GPD1L: variants seen among roughly 807,000 people sequenced by gnomAD.
GPD1L encodes the protein glycerol-3-phosphate dehydrogenase 1-like protein.
GPD1L carries 17 observed loss-of-function variants against 32.9 expected under a neutral mutation model. The observed-to-expected ratio is 0.52, with a 90% CI of 0.35 to 0.78. The LOEUF is 0.78. Ranked by LOEUF, GPD1L falls within the 30% of genes least tolerant of loss-of-function variation. The probability of loss-of-function intolerance (pLI) is 0.01; values close to 1 mark genes in which losing one functional copy is unlikely to be tolerated. For missense variants in GPD1L, 361 were observed against 447.8 expected, an observed-to-expected ratio of 0.81 and a Z score of 1.75; for synonymous variants, 187 against 165.9, an observed-to-expected ratio of 1.13 and a Z score of -0.98.
chr3:32,129,584 C>T lies in GPD1L; in HGVS notation c.225+1331C>T, dbSNP rs185120305. ...TCCAGGGTCACACAGCTGAGGGCTA[C>T]GGTTCAGATTGATTCCTGGTGGACG... On this transcript the variant is annotated intron_variant, in intron 2 of 7. Coordinates refer to ENST00000282541, the MANE Select transcript of GPD1L (RefSeq NM_015141.4). Among the ~76,000 whole-genome samples, 140 of 152,308 alleles carry T rather than the reference C, an allele frequency of 9.2e-4. No individual in the cohort carries two copies. The Middle Eastern group carries it at 0.01, about 11-fold the overall frequency.
intron 2 of GPD1L, among the ~76,000 whole-genome samples, chr3:32,134,510 A>G (rs1452503697): frequency 6.6e-6 from 1 of 152,170 alleles, no homozygotes; most frequent in Non-Finnish European, 1.5e-5. Flanking sequence ...TGCTTGTGAC[A>G]GGGCCTCACT....
At chr3:32,127,778 G>A (rs1700532623) in intron 1 of GPD1L, among the ~76,000 whole-genome samples, 1 of 152,134 alleles carries the variant, frequency 6.6e-6, no homozygotes, top group Non-Finnish European at 1.5e-5. Context: ...ATGCTTTGGG[G>A]TGGATTTCTC....
At chr3:32,152,519 G>A (rs1264933506) in intron 5 of GPD1L, among the ~76,000 whole-genome samples, 1 of 152,170 alleles carries the variant, frequency 6.6e-6, no homozygotes, top group African/African-American at 2.4e-5. Flanking sequence ...TGCTGCCGGA[G>A]GGGAGGAGCG....
chr3:32,135,116 C>T (rs754289682), intron 2 of GPD1L, among the ~76,000 whole-genome samples: 1 of 152,148 alleles, frequency 6.6e-6, no homozygotes, highest in South Asian at 2.1e-4. Flanking sequence ...GGTGTTTTTT[C>T]CACTTCACCA....
chr3:32,119,594 C>T (rs1559569762), intron 1 of GPD1L, among the ~76,000 whole-genome samples: 1 of 152,152 alleles, frequency 6.6e-6, no homozygotes, highest in East Asian at 1.9e-4. Context: ...TAAAATACTT[C>T]ATTTTTAACA....
rs547041406 is a variant in GPD1L, at chr3:32,110,034, C to T, written c.47+3276C>T. ...GCGGGTTCACGCCATTCTCCTGCCT[C>T]AGCCTCCCAGGTAGCTGGGACTACA... On this transcript the variant is annotated intron_variant, in intron 1 of 7. Coordinates refer to ENST00000282541, the MANE Select transcript of GPD1L (RefSeq NM_015141.4). Among the ~76,000 whole-genome samples, 510 of 152,394 alleles carry T rather than the reference C, an allele frequency of 3.3e-3. 1 individual carries two copies. The highest frequency in any genetic ancestry group is 0.014 in the Middle Eastern group (4 of 294).
chr3:32,143,499 A>G (rs1207559157), intron 4 of GPD1L, among the ~76,000 whole-genome samples: 1 of 151,106 alleles, frequency 6.6e-6, no homozygotes, highest in East Asian at 1.9e-4. Context: ...AGTCAGTGTC[A>G]TGAAAGACAA....
chr3:32,153,070 G>T (rs1402506593), intron 5 of GPD1L, among the ~76,000 whole-genome samples: 1 of 152,136 alleles, frequency 6.6e-6, no homozygotes, highest in South Asian at 2.1e-4. Context: ...GAATAGATTG[G>T]GGATAAAGCA....
intron 2 of GPD1L, among the ~76,000 whole-genome samples, chr3:32,134,965 G>A (rs756734764): frequency 5.3e-5 from 8 of 152,208 alleles, no homozygotes; most frequent in Non-Finnish European, 1.2e-4. Context: ...TAGCCAGATC[G>A]GAAAGGTAAT....
intron 5 of GPD1L, chr3:32,151,445 T>C (rs1326314511): frequency 1.0e-5 from 5 of 497,746 alleles, no homozygotes; most frequent in African/African-American, 6.1e-5. Context: ...TACAATATCA[T>C]CTTTTTTTAA....
intron 2 of GPD1L, among the ~76,000 whole-genome samples, chr3:32,135,448 GTTTGT>G (rs369079094): frequency 2.0e-5 from 3 of 150,350 alleles, no homozygotes; most frequent in African/African-American, 7.4e-5. Context: ...TTGTTTTTTT[GTTTGT>G]TTTGTTTTGT....
chr3:32,108,125 G>A (rs1244185512), intron 1 of GPD1L, among the ~76,000 whole-genome samples: 3 of 152,200 alleles, frequency 2.0e-5, no homozygotes, highest in Non-Finnish European at 2.9e-5. Flanking sequence ...AGGGCTGGGC[G>A]CAGTAGCTTA....
At chr3:32,140,145 TTG>T in intron 3 of GPD1L, 81 bp from the exon 4 acceptor site, 1 of 1,410,070 alleles carries the variant, frequency 7.1e-7, no homozygotes, top group Non-Finnish European at 1.0e-6. Flanking sequence ...ATTTTTCAAG[TTG>T]TGTAGCCATG....
In GPD1L at chr3:32,141,860, T is replaced by C. The variant is rs1700749118; in HGVS notation, c.505+1494T>C. 2.0e-5 allele frequency among the ~76,000 whole-genome samples: 3 copies of C among 152,190 alleles called. No individual in the cohort carries two copies. The South Asian group carries it at 6.2e-4, about 32-fold the overall frequency. ...AGGTTTGTTACATGGGTGTATTGCA[T>C]GATGCTGAGGTCTGGGTTATGACTA... On this transcript the variant is annotated intron_variant, in intron 4 of 7. Transcript: ENST00000282541.
At chr3:32,122,153 G>A (rs1700432635) in intron 1 of GPD1L, among the ~76,000 whole-genome samples, 1 of 152,178 alleles carries the variant, frequency 6.6e-6, no homozygotes, top group Admixed American at 6.5e-5. Flanking sequence ...ATGGGGACTT[G>A]TCTGCGTTCA....
chr3:32,124,492 G>A lies in GPD1L; in HGVS notation c.48-3584G>A, dbSNP rs76933725. Among the ~76,000 whole-genome samples, 287 of 152,258 alleles carry A rather than the reference G, an allele frequency of 1.9e-3. 5 individuals are homozygous for A. The highest frequency in any genetic ancestry group is 6.6e-3 in the African/African-American group (272 of 41,526). On this transcript the variant is annotated intron_variant, in intron 1 of 7. Transcript: ENST00000282541. ...AAAAATGAAACTGCTCTTTCACATT[G>A]GTCAGAAGAGGTAACACTTGGGACA...
chr3:32,114,069 G>T (rs1217245451), intron 1 of GPD1L, among the ~76,000 whole-genome samples: 1 of 152,154 alleles, frequency 6.6e-6, no homozygotes, highest in East Asian at 1.9e-4. Flanking sequence ...TGCCCAAGCT[G>T]ATTTCGAACA....
intron 5 of GPD1L, among the ~76,000 whole-genome samples, chr3:32,157,872 G>C (rs182555980): frequency 7.2e-5 from 11 of 152,216 alleles, no homozygotes; most frequent in Non-Finnish European, 1.3e-4. Context: ...CTTCTGAAAA[G>C]GCAGGCTCTG....
chr3:32,128,992 A>G (rs911436531), intron 2 of GPD1L, among the ~76,000 whole-genome samples: 23 of 152,212 alleles, frequency 1.5e-4, no homozygotes, highest in Non-Finnish European at 3.1e-4. Context: ...TGGGAGAGAA[A>G]AATACAGGTT....
Sources: gnomAD v4.1 joint callset for allele counts (sites outside exome capture counted in the v4.1 genomes callset) on GRCh38, gnomAD v4.1.1 for gene constraint, MANE v1.5 for transcripts, NCBI Gene and HGNC (gene_info 2026-07-23, HGNC 2026-07-21) for gene names.